The following ARHGAP21 variants were observed in gnomAD, a reference collection of about 807,000 sequenced individuals.
The protein encoded by ARHGAP21 is rho GTPase-activating protein 21.
A neutral mutation model predicts 164.6 loss-of-function variants in ARHGAP21; 38 were observed. The observed-to-expected ratio is 0.23, with a 90% confidence interval of 0.18 to 0.30. The LOEUF (loss-of-function observed/expected upper bound fraction) is 0.30, where lower values mean the gene tolerates loss of function less well. Ranked by LOEUF, ARHGAP21 falls within the 10% of genes least tolerant of loss-of-function variation. ARHGAP21 has a pLI of 1.00. For missense variants in ARHGAP21, 1,822 were observed against 2,370.7 expected (o/e 0.77, Z 4.81); for synonymous variants, 766 against 857.9 (o/e 0.89, Z 1.87).
intron 2 of ARHGAP21, among the ~76,000 whole-genome samples, chr10:24,678,137 G>A (rs1252420859): frequency 2.0e-5 from 3 of 151,926 alleles, no homozygotes; most frequent in Non-Finnish European, 2.9e-5. Flanking sequence ...GGAAAAGAAA[G>A]ATAGAGAGAT....
At chr10:24,657,904 C>G (rs1416750105) in intron 4 of ARHGAP21, among the ~76,000 whole-genome samples, 1 of 133,182 alleles carries the variant, frequency 7.5e-6, no homozygotes, top group African/African-American at 3.0e-5. Context: ...ATCAGGGACA[C>G]AAACACTGCG....
intron 2 of ARHGAP21, among the ~76,000 whole-genome samples, chr10:24,718,294 A>G (rs940215329): frequency 6.6e-6 from 1 of 152,328 alleles, no homozygotes; most frequent in Non-Finnish European, 1.5e-5. Context: ...TGAGTTTGCA[A>G]TGCCTGGGGA....
At position 24,585,790 on chromosome 10, in the gene ARHGAP21, G is replaced by A; in HGVS notation, c.4499C>T (p.Ser1500Phe). Residue 1500 changes from serine to phenylalanine, a missense_variant, in exon 26 of 26, where the codon TCT (serine) becomes TTT (phenylalanine). Transcript: ENST00000396432. ...GTTGTGTGGTGGTGAGGGTTCTTCA[G>A]AAGGCGTGCTCTCTTTTCCTAGTGA... ...KISLGKESTP[S>F]EEPSPPHNSK... is the part of the protein sequence containing the mutation. 6.2e-7 allele frequency: 1 copy of A among 1,613,988 alleles called. No homozygotes were observed. Among genetic ancestry groups the A allele is most frequent in the Non-Finnish European group, 8.5e-7 (1 of 1,179,882 alleles).
intron 22 of ARHGAP21, 41 bp downstream of exon 22, chr10:24,591,844 CAG>C: frequency 1.9e-6 from 3 of 1,592,618 alleles, no homozygotes; most frequent in Non-Finnish European, 2.6e-6. Context: ...AATTTTCTTG[CAG>C]AGATGAAGCA....
Position 24,629,979 on chromosome 10 carries a change from G to A in ARHGAP21, c.495+17C>T, listed in dbSNP as rs1835700110. The A allele has an allele frequency of 6.6e-7, 1 of 1,519,850 alleles. No individual in the cohort carries two copies. Among genetic ancestry groups the A allele is most frequent in the Non-Finnish European group, 9.0e-7 (1 of 1,106,136 alleles). The allele number at this position is 1,519,850 out of a possible 1,614,324, so 94.1% of individuals were successfully genotyped here. ...CATGACTGTAAAACAACTCATATATGAATAAATAAAACTTACCACTTGGAG... is the reference window on the plus strand; with the variant it reads ...CATGACTGTAAAACAACTCATATATAAATAAATAAAACTTACCACTTGGAG... On this transcript the variant is annotated intron_variant, in intron 7 of 25. Coordinates refer to ENST00000396432, the MANE Select transcript of ARHGAP21 (RefSeq NM_020824.4).
rs1564943646 is a variant in ARHGAP21, at chr10:24,585,524, T to C, written c.4765A>G (p.Thr1589Ala). 5 of 1,614,096 alleles carry C rather than the reference T, an allele frequency of 3.1e-6. No individual in the cohort carries two copies. The highest frequency in any genetic ancestry group is 4.2e-6 in the Non-Finnish European group (5 of 1,180,026). The stretch of plus-strand genomic sequence containing the variant: ...GTCAAGTATGTAGCAGACGATGTGG[T>C]GGAATAATCTGAGGTGATGGTGCTG... ...NVSTITSDYS[T>A]TSSATYLTSL... The change falls in exon 26 of 26, where the codon ACC (threonine) becomes GCC (alanine). Residue 1589 changes from threonine (T) to alanine (A), a missense_variant. Coordinates refer to ENST00000396432, the MANE Select transcript of ARHGAP21 (RefSeq NM_020824.4).
At chr10:24,693,528 T>C (rs1413698907) in intron 2 of ARHGAP21, among the ~76,000 whole-genome samples, 4 of 152,096 alleles carry the variant, frequency 2.6e-5, no homozygotes, top group African/African-American at 9.7e-5. Flanking sequence ...TTTTTTTGTA[T>C]TTTTAGTAGA....
intron 4 of ARHGAP21, among the ~76,000 whole-genome samples, chr10:24,642,627 A>G (rs938774202): frequency 8.6e-5 from 13 of 152,014 alleles, no homozygotes; most frequent in African/African-American, 2.9e-4. Context: ...AACCCACTCT[A>G]TTTTCATCTT....
intron 2 of ARHGAP21, among the ~76,000 whole-genome samples, chr10:24,702,363 C>T (rs1196331807): frequency 1.3e-5 from 2 of 151,824 alleles, no homozygotes; most frequent in Non-Finnish European, 2.9e-5. Flanking sequence ...GATCTCCTGA[C>T]CTCGTGATCC....
At chr10:24,628,794 TAC>T (rs1436938673) in intron 7 of ARHGAP21, among the ~76,000 whole-genome samples, 1 of 115,508 alleles carries the variant, frequency 8.7e-6, no homozygotes, top group Non-Finnish European at 1.9e-5. Flanking sequence ...CACACATATA[TAC>T]ACATATATAC....
At chr10:24,659,425 C>G (rs1429556044) in intron 4 of ARHGAP21, among the ~76,000 whole-genome samples, 2 of 152,180 alleles carry the variant, frequency 1.3e-5, no homozygotes, top group Non-Finnish European at 2.9e-5. Context: ...AAGCGATTCT[C>G]CTGCCTCAGC....
In ARHGAP21 at chr10:24,584,285, G is replaced by T; in HGVS notation, c.*127C>A. 9.6e-7 allele frequency: 1 copy of T among 1,038,684 alleles called. No individual in the cohort carries two copies. The highest frequency in any genetic ancestry group is 1.4e-6 in the Non-Finnish European group (1 of 710,748). 64.3% of individuals were successfully genotyped at this position (1,038,684 alleles called of 1,614,324 possible). ...ATGCACTGTAAAGCTATTTCACAGTGCAAAATGATGAAACCAGCCCAAATG... is the reference window on the plus strand; with the variant it reads ...ATGCACTGTAAAGCTATTTCACAGTTCAAAATGATGAAACCAGCCCAAATG... On this transcript the variant is annotated 3_prime_UTR_variant, in exon 26 of 26. Transcript: ENST00000396432.
At chr10:24,611,757 G>C (rs1414511854) in intron 9 of ARHGAP21, among the ~76,000 whole-genome samples, 2 of 151,962 alleles carry the variant, frequency 1.3e-5, no homozygotes, top group Admixed American at 6.6e-5. Context: ...ACTCACTCTT[G>C]ATGTCATTAC....
intron 21 of ARHGAP21, among the ~76,000 whole-genome samples, 166 bp downstream of exon 21, chr10:24,594,784 C>G (rs573702676): frequency 1.3e-5 from 2 of 152,208 alleles, no homozygotes; most frequent in East Asian, 1.9e-4. Context: ...ATGGTGACAA[C>G]TGGTATTTTG....
At chr10:24,592,643 C>T (rs550015840) in intron 21 of ARHGAP21, among the ~76,000 whole-genome samples, 29 of 151,656 alleles carry the variant, frequency 1.9e-4, no homozygotes, top group Non-Finnish European at 3.2e-4. Flanking sequence ...TAGTCAGGCA[C>T]GATGGTGTGT....
rs748970913 is a variant in ARHGAP21, at chr10:24,596,723, G to A, written c.3477+17C>T. ...AATTAATGACTTGAGGAAATCCGGT[G>A]GGCTGGTGTCTCCTACCCGATTAGT... On this transcript the variant is annotated intron_variant, in intron 17 of 25. Transcript: ENST00000396432. 1.9e-6 allele frequency: 3 copies of A among 1,613,212 alleles called. No individual in the cohort carries two copies. Among genetic ancestry groups the A allele is most frequent in the African/African-American group, 2.7e-5 (2 of 74,840 alleles).
Position 24,583,841 on chromosome 10 carries a change from A to C in ARHGAP21, c.*571T>G, listed in dbSNP as rs1218235903. 1.3e-5 allele frequency: 2 copies of C among 152,648 alleles called. No homozygotes were observed. Among genetic ancestry groups the C allele is most frequent in the Non-Finnish European group, 1.5e-5 (1 of 68,030 alleles). The allele number at this position is 152,648 out of a possible 1,614,324, so 9.5% of individuals were successfully genotyped here. The stretch of plus-strand genomic sequence containing the variant: ...TTCATTTAAGTTACGTATTTTACAG[A>C]AAGATTAAAAATTCAAGTCACACAA... On this transcript the variant is annotated 3_prime_UTR_variant, in exon 26 of 26. Coordinates refer to ENST00000396432, the MANE Select transcript of ARHGAP21 (RefSeq NM_020824.4).
intron 2 of ARHGAP21, among the ~76,000 whole-genome samples, chr10:24,694,507 GCCCCCA>G (rs1842984742): frequency 6.6e-6 from 1 of 152,164 alleles, no homozygotes; most frequent in Admixed American, 6.5e-5. Flanking sequence ...TATGTGACCT[GCCCCCA>G]GTAAACATCT....
chr10:24,670,613 T>C (rs1002447079), intron 2 of ARHGAP21, among the ~76,000 whole-genome samples: 3 of 151,848 alleles, frequency 2.0e-5, no homozygotes, highest in African/African-American at 7.3e-5. Context: ...TTCTAGAAAA[T>C]AATGCCATAA....
Sources: gnomAD v4.1 joint callset for allele counts (sites outside exome capture counted in the v4.1 genomes callset) on GRCh38, gnomAD v4.1.1 for gene constraint, MANE v1.5 for transcripts, NCBI Gene and HGNC (gene_info 2026-07-23, HGNC 2026-07-21) for gene names.